Variants in TENM4 observed in about 807,000 individuals in gnomAD.
TENM4 encodes teneurin transmembrane protein 4.
In TENM4, 82 loss-of-function variants were observed where a neutral mutation model predicts 243.3. The observed-to-expected ratio is 0.34, with a 90% CI of 0.28 to 0.40. TENM4 has a LOEUF of 0.40. Among genes scored for constraint, TENM4 ranks in the 10% least tolerant of loss-of-function variants. The probability of loss-of-function intolerance (pLI) is 1.00; values close to 1 mark genes in which losing one functional copy is unlikely to be tolerated. For synonymous variants in TENM4, 1,412 were observed against 1,456.3 expected (o/e 0.97, Z 0.69); for missense variants, 3,138 against 3,673.3 (o/e 0.85, Z 3.77).
chr11:78,918,430 A>G (rs771463685), intron 6 of TENM4, among the ~76,000 whole-genome samples: 84 of 149,920 alleles, frequency 5.6e-4, no homozygotes, highest in Non-Finnish European at 1.0e-3. Flanking sequence ...TATTTTTCCA[A>G]TTTTAGAATC....
At chr11:79,302,030 G>C (rs1293458600) in intron 1 of TENM4, among the ~76,000 whole-genome samples, 1 of 152,084 alleles carries the variant, frequency 6.6e-6, no homozygotes, top group South Asian at 2.1e-4. Flanking sequence ...ACAGAGACTT[G>C]GTCTCTCCTG....
At chr11:78,883,435 G>A (rs1479071829) in intron 9 of TENM4, among the ~76,000 whole-genome samples, 1 of 152,220 alleles carries the variant, frequency 6.6e-6, no homozygotes, top group East Asian at 1.9e-4. Context: ...CCTTCCTGAT[G>A]AGAACCCCAC....
chr11:79,054,821 A>G (rs546346971), intron 6 of TENM4, among the ~76,000 whole-genome samples: 1 of 152,214 alleles, frequency 6.6e-6, no homozygotes, highest in East Asian at 1.9e-4. Context: ...AGTTGACTGC[A>G]TGTATTGTGT....
Position 79,069,820 on chromosome 11 carries a change from C to T in TENM4, c.125G>A (p.Ser42Asn). The change falls in exon 5 of 34, where the codon AGC becomes AAC. Residue 42 changes from serine to asparagine, a missense_variant. This residue lies in a region of TENM4 where 671 missense variants were observed against 614.1 expected (regional missense o/e 1.09). Transcript: ENST00000278550. Reference sequence around the variant, plus strand: ...CTGGTCGTAGGCCTTCAGGGTCTCGCTGGAGCTGTACGATTTCTGCGGGGC... The same window carrying T: ...CTGGTCGTAGGCCTTCAGGGTCTCGTTGGAGCTGTACGATTTCTGCGGGGC... ...GKAPQKSYSS[S>N]ETLKAYDQDA... 1 of 1,551,114 alleles carries T rather than the reference C, an allele frequency of 6.4e-7. No individual in the cohort carries two copies. Among genetic ancestry groups the T allele is most frequent in the Non-Finnish European group, 8.7e-7 (1 of 1,146,904 alleles).
intron 19 of TENM4, among the ~76,000 whole-genome samples, chr11:78,745,788 C>G (rs937470179): frequency 6.6e-6 from 1 of 152,132 alleles, no homozygotes. Flanking sequence ...GTGTATGTGA[C>G]TTTTTTGTAT....
intron 2 of TENM4, among the ~76,000 whole-genome samples, chr11:79,235,406 G>C (rs748365422): frequency 2.0e-5 from 3 of 152,126 alleles, no homozygotes; most frequent in Non-Finnish European, 2.9e-5. Flanking sequence ...AGAGATGCAG[G>C]GTTGAGACCT....
At chr11:78,815,612 C>T (rs77465225) in intron 12 of TENM4, among the ~76,000 whole-genome samples, 2,615 of 152,236 alleles carry the variant, frequency 0.017, 106 homozygotes, top group African/African-American at 0.061. Flanking sequence ...ACCTATTATC[C>T]AGAATGTGTG....
chr11:79,302,764 G>C (rs1856570144), intron 1 of TENM4, among the ~76,000 whole-genome samples: 1 of 152,118 alleles, frequency 6.6e-6, no homozygotes, highest in South Asian at 2.1e-4. Flanking sequence ...CTTTCCTATA[G>C]GGTCTCCAGG....
intron 6 of TENM4, among the ~76,000 whole-genome samples, chr11:78,952,939 A>G (rs1478909525): frequency 2.0e-5 from 3 of 152,206 alleles, no homozygotes; most frequent in Non-Finnish European, 2.9e-5. Flanking sequence ...GGGCATCTGA[A>G]GAAGGGTTTC....
At chr11:79,072,404 T>C (rs1306748561) in intron 4 of TENM4, among the ~76,000 whole-genome samples, 1 of 151,896 alleles carries the variant, frequency 6.6e-6, no homozygotes, top group Non-Finnish European at 1.5e-5. Context: ...GGAGGATAGC[T>C]TGGGCCCAGG....
At chr11:78,992,261 A>C (rs1858064549) in intron 6 of TENM4, among the ~76,000 whole-genome samples, 2 of 152,152 alleles carry the variant, frequency 1.3e-5, no homozygotes, top group Non-Finnish European at 2.9e-5. Flanking sequence ...AGGCACATGG[A>C]CTTTTTGTTG....
At chr11:79,169,971 T>C (rs1039584980) in intron 3 of TENM4, among the ~76,000 whole-genome samples, 2 of 152,128 alleles carry the variant, frequency 1.3e-5, no homozygotes, top group African/African-American at 4.8e-5. Flanking sequence ...CAAAGACAAA[T>C]AGGATGGGGC....
intron 4 of TENM4, among the ~76,000 whole-genome samples, chr11:79,140,914 CA>C (rs1862273878): frequency 6.6e-6 from 1 of 151,974 alleles, no homozygotes; most frequent in African/African-American, 2.4e-5. Flanking sequence ...GACCTGGAGC[CA>C]GGTCCCTGCA....
intron 6 of TENM4, among the ~76,000 whole-genome samples, chr11:79,042,479 C>A (rs1234869758): frequency 3.9e-5 from 6 of 152,176 alleles, no homozygotes; most frequent in African/African-American, 9.7e-5. Flanking sequence ...CTTAAGGGAG[C>A]TTGTTTGCTC....
At chr11:79,328,330 G>T (rs1857007354) in intron 1 of TENM4, among the ~76,000 whole-genome samples, 1 of 152,138 alleles carries the variant, frequency 6.6e-6, no homozygotes. Flanking sequence ...ATGTTTTTGG[G>T]TCTCTAACAT....
chr11:79,014,139 CA>C (rs60886438), intron 6 of TENM4, among the ~76,000 whole-genome samples: 17,188 of 152,152 alleles, frequency 0.11, 2,892 homozygotes, highest in African/African-American at 0.37. Flanking sequence ...GAATAGATAA[CA>C]AAAGAAGTGA....
At chr11:79,130,125 A>G (rs986373486) in intron 4 of TENM4, among the ~76,000 whole-genome samples, 4 of 152,140 alleles carry the variant, frequency 2.6e-5, no homozygotes, top group Admixed American at 1.3e-4. Flanking sequence ...GGCTAGACCC[A>G]GAAGAGAGAC....
At chr11:78,736,700 C>T (rs535482071) in intron 20 of TENM4, among the ~76,000 whole-genome samples, 3 of 152,290 alleles carry the variant, frequency 2.0e-5, no homozygotes, top group Non-Finnish European at 2.9e-5. Context: ...TACCTGTTCA[C>T]ATGTAACAAA....
At chr11:79,183,777 G>A (rs1187475913) in intron 3 of TENM4, among the ~76,000 whole-genome samples, 1 of 152,132 alleles carries the variant, frequency 6.6e-6, no homozygotes, top group Non-Finnish European at 1.5e-5. Context: ...CAAAAGGAGA[G>A]AAATAAAATG....
Sources: gnomAD v4.1 joint callset for allele counts (sites outside exome capture counted in the v4.1 genomes callset) on GRCh38, gnomAD v4.1.1 for gene constraint, gnomAD v4.1.1 regional missense constraint, MANE v1.5 for transcripts, NCBI Gene and HGNC (gene_info 2026-07-23, HGNC 2026-07-21) for gene names.